Variants in MBD5 observed in about 807,000 individuals in gnomAD.
MBD5 encodes methyl-CpG-binding domain protein 5.
MBD5 carries 13 observed loss-of-function variants against 117.3 expected under a neutral mutation model. The ratio of observed to expected loss-of-function variants is 0.11; its 90% CI spans 0.07 to 0.18. The LOEUF is 0.18. Ranked by LOEUF, MBD5 falls within the 10% of genes least tolerant of loss-of-function variation. MBD5 has a pLI of 1.00. For synonymous variants in MBD5, 727 were observed against 766.4 expected (o/e 0.95, Z 0.85); for missense variants, 1,879 against 2,093.8 (o/e 0.90, Z 2.00).
At chr2:148,229,088 G>A (rs949559151) in intron 2 of MBD5, among the ~76,000 whole-genome samples, 4 of 151,664 alleles carry the variant, frequency 2.6e-5, no homozygotes, top group Admixed American at 2.6e-4. Context: ...TTTTTTGAAG[G>A]GTTTTTTTGT....
chr2:148,414,285 C>T (rs185198797), intron 4 of MBD5, among the ~76,000 whole-genome samples: 4 of 152,126 alleles, frequency 2.6e-5, no homozygotes, highest in Admixed American at 1.3e-4. Context: ...GAGTGATTTT[C>T]TTAGTATTGA....
chr2:148,084,230 A>G (rs189518547), intron 1 of MBD5, among the ~76,000 whole-genome samples: 10 of 152,268 alleles, frequency 6.6e-5, no homozygotes, highest in Non-Finnish European at 1.2e-4. Flanking sequence ...CTGTTCTCCT[A>G]CGGGGATGCC....
At chr2:148,113,971 AG>A (rs1368975587) in intron 1 of MBD5, among the ~76,000 whole-genome samples, 2 of 152,002 alleles carry the variant, frequency 1.3e-5, no homozygotes, top group African/African-American at 4.8e-5. Flanking sequence ...ACATCTTTCT[AG>A]GTCATTTAAT....
chr2:148,060,906 A>G (rs1695019374), intron 1 of MBD5, among the ~76,000 whole-genome samples: 1 of 152,102 alleles, frequency 6.6e-6, no homozygotes, highest in Non-Finnish European at 1.5e-5. Context: ...ATATGTTTCC[A>G]GTAAGATTGT....
intron 4 of MBD5, among the ~76,000 whole-genome samples, chr2:148,427,719 A>G (rs1026202828): frequency 3.3e-5 from 5 of 152,172 alleles, no homozygotes; most frequent in Non-Finnish European, 5.9e-5. Flanking sequence ...CAGCACACCA[A>G]CATGGCACAT....
chr2:148,103,702 A>G lies in MBD5; in HGVS notation c.-924-74998A>G, dbSNP rs532606362. Among the ~76,000 whole-genome samples, 3 of 152,342 alleles carry G rather than the reference A, an allele frequency of 2.0e-5. No homozygotes were observed. In the South Asian group the frequency reaches 6.2e-4, roughly 32 times the overall value. ...TACAGTTTCTAGCCATACAGTGCAT[A>G]GAAAACTCAAATAAGATGGATGTGA... On this transcript the variant is annotated intron_variant, in intron 1 of 13. Transcript: ENST00000642680.
intron 2 of MBD5, among the ~76,000 whole-genome samples, chr2:148,202,058 C>T (rs1191094578): frequency 3.9e-5 from 6 of 152,148 alleles, no homozygotes; most frequent in Admixed American, 3.9e-4. Flanking sequence ...GTTTCACTGG[C>T]CCTGCCTCTA....
At chr2:148,167,886 T>C (rs1327399802) in intron 1 of MBD5, among the ~76,000 whole-genome samples, 1 of 152,234 alleles carries the variant, frequency 6.6e-6, no homozygotes, top group Non-Finnish European at 1.5e-5. Flanking sequence ...CACCACTTTA[T>C]TATATTTTGT....
At chr2:148,426,459 G>C (rs1451693951) in intron 4 of MBD5, among the ~76,000 whole-genome samples, 2 of 151,858 alleles carry the variant, frequency 1.3e-5, no homozygotes, top group Non-Finnish European at 2.9e-5. Flanking sequence ...CAGAGATATA[G>C]ACCAATGGAG....
At chr2:148,326,149 A>G (rs538054951) in intron 3 of MBD5, among the ~76,000 whole-genome samples, 1 of 152,274 alleles carries the variant, frequency 6.6e-6, no homozygotes, top group Admixed American at 6.5e-5. Context: ...AGTGGTTTTG[A>G]GTGAGATTCT....
chr2:148,089,785 T>C (rs1295212091), intron 1 of MBD5, among the ~76,000 whole-genome samples: 2 of 151,604 alleles, frequency 1.3e-5, no homozygotes, highest in Non-Finnish European at 2.9e-5. Context: ...CTCAAGGAAG[T>C]AGAGAAACAA....
chr2:148,492,540 A>G (rs1001809071), intron 11 of MBD5, among the ~76,000 whole-genome samples: 11 of 152,240 alleles, frequency 7.2e-5, no homozygotes, highest in African/African-American at 2.4e-4. Context: ...TATCATTTAA[A>G]AAGCAAGGTA....
At chr2:148,437,477 G>A (rs1279288648) in intron 4 of MBD5, among the ~76,000 whole-genome samples, 2 of 151,938 alleles carry the variant, frequency 1.3e-5, no homozygotes, top group Admixed American at 1.3e-4. Flanking sequence ...ATTCCCTAAT[G>A]TCTAAAATCT....
intron 1 of MBD5, chr2:148,062,401 TATA>T (rs1215830455): frequency 6.6e-6 from 1 of 151,890 alleles, no homozygotes; most frequent in Admixed American, 6.6e-5. Context: ...TATAATAATG[TATA>T]ATAATAGTAT....
intron 4 of MBD5, among the ~76,000 whole-genome samples, chr2:148,395,666 C>T (rs1039757142): frequency 2.6e-5 from 4 of 152,070 alleles, no homozygotes; most frequent in Admixed American, 6.5e-5. Flanking sequence ...CTCAGGTGAT[C>T]CACCCTCCTC....
intron 3 of MBD5, among the ~76,000 whole-genome samples, chr2:148,280,145 A>AAAC (rs1553493541): frequency 1.3e-5 from 2 of 151,004 alleles, no homozygotes; most frequent in East Asian, 1.9e-4. Context: ...AAAAAAAAAA[A>AAAC]AAAAACAAAA....
chr2:148,027,140 T>A (rs932780233), intron 1 of MBD5: 2 of 152,162 alleles, frequency 1.3e-5, no homozygotes, highest in Non-Finnish European at 2.9e-5. Flanking sequence ...TATATTGTCT[T>A]GTGCTTTGGT....
chr2:148,490,971 T>C (rs1681506638), intron 11 of MBD5, among the ~76,000 whole-genome samples: 1 of 152,096 alleles, frequency 6.6e-6, no homozygotes, highest in Non-Finnish European at 1.5e-5. Flanking sequence ...CCTTTGGAGG[T>C]CCAGGAGTGT....
intron 1 of MBD5, 52 bp downstream of exon 1, chr2:148,021,736 T>C: frequency 3.6e-6 from 1 of 277,366 alleles, no homozygotes; most frequent in Non-Finnish European, 7.3e-6. Context: ...TGACTTTCAC[T>C]CCGGGGCAAC....
Sources: gnomAD v4.1 joint callset for allele counts (sites outside exome capture counted in the v4.1 genomes callset) on GRCh38, gnomAD v4.1.1 for gene constraint, MANE v1.5 for transcripts, NCBI Gene and HGNC (gene_info 2026-07-23, HGNC 2026-07-21) for gene names.